Variants in CAPN9 observed in about 807,000 individuals in gnomAD.
CAPN9 encodes the protein calpain 9.
A neutral mutation model predicts 92.8 loss-of-function variants in CAPN9; 81 were observed. That is an observed-to-expected ratio of 0.87 (90% CI 0.73 to 1.05). The LOEUF is 1.05. Ranked by LOEUF, CAPN9 falls within the 50% of genes least tolerant of loss-of-function variation. The probability of loss-of-function intolerance (pLI) is 0.00; values close to 1 mark genes in which losing one functional copy is unlikely to be tolerated. For synonymous variants in CAPN9, 304 were observed against 328.0 expected, an observed-to-expected ratio of 0.93 and a Z score of 0.79; for missense variants, 848 against 866.2, an observed-to-expected ratio of 0.98 and a Z score of 0.26.
In CAPN9 at chr1:230,798,175, T is replaced by C. The variant is rs768731637; in HGVS notation, c.2001T>C (p.Ala667=). 18 of 1,610,482 alleles carry C rather than the reference T, an allele frequency of 1.1e-5. 1 individual carries two copies. In the Middle Eastern group the frequency reaches 1.5e-3, roughly 133 times the overall value. Residue 667 remains alanine, a synonymous_variant, in exon 19 of 20, where the codon GCT becomes GCC. Transcript: ENST00000271971. ...CTCTCCTATCAGGGGTGTTCCAGGC[T>C]CTCAGTACAAAGAACAAGGAGTTCA... The part of the protein sequence containing the change: ...RLENASRVFQ[A]LSTKNKEFIH...
Position 230,774,594 on chromosome 1 carries a change from C to T in CAPN9, c.916C>T (p.Arg306Cys), listed in dbSNP as rs1558099848. ...TTCTGTTGGTCCAGCTGAGCAGAAG[C>T]GTCTGTGTCACACTGCTCTGGATGA... ...WRSVGPAEQK[R>C]LCHTALDDGE... Residue 306 changes from arginine to cysteine, a missense_variant, in exon 8 of 20, where the codon CGT becomes TGT. Physicochemically the swap from Arg to Cys is radical, Grantham distance 180. Transcript: ENST00000271971. The T allele has an allele frequency of 6.2e-6, 10 of 1,613,824 alleles. No homozygotes were observed. The African/African-American group carries it at 6.7e-5, about 11-fold the overall frequency.
chr1:230,765,642 G>C (rs2102860027), intron 4 of CAPN9, among the ~76,000 whole-genome samples: 1 of 152,176 alleles, frequency 6.6e-6, no homozygotes, highest in African/African-American at 2.4e-5. Flanking sequence ...CTGGGCAACA[G>C]AGCAAGACTC....
intron 8 of CAPN9, among the ~76,000 whole-genome samples, chr1:230,777,552 GA>G (rs916768375): frequency 2.0e-5 from 3 of 149,622 alleles, no homozygotes; most frequent in Non-Finnish European, 3.0e-5. Context: ...TACCTGCAAA[GA>G]AAAAAAAAGC....
intron 14 of CAPN9, 123 bp downstream of exon 14, chr1:230,790,312 A>G: frequency 7.2e-7 from 1 of 1,388,692 alleles, no homozygotes; most frequent in Non-Finnish European, 9.4e-7. Context: ...TTGTAGGTAG[A>G]CTTTAAAAAT....
intron 17 of CAPN9, among the ~76,000 whole-genome samples, chr1:230,794,826 A>T (rs1249823702): frequency 1.3e-5 from 2 of 152,204 alleles, no homozygotes; most frequent in Non-Finnish European, 2.9e-5. Context: ...AAGTTCCCCC[A>T]AACAAAGCTT....
rs572618953 is a variant in CAPN9, at chr1:230,751,297, C to T, written c.213+3588C>T. 2.6e-5 allele frequency among the ~76,000 whole-genome samples: 4 copies of T among 152,140 alleles called. No individual in the cohort carries two copies. In the South Asian group the frequency reaches 8.3e-4, roughly 32 times the overall value. Reference sequence around the variant, plus strand: ...GCCCCATGGCCTCCACAGTGCTGGGCACATGACAGGGATCGGCACATAGCT... The same window carrying T: ...GCCCCATGGCCTCCACAGTGCTGGGTACATGACAGGGATCGGCACATAGCT... On this transcript the variant is annotated intron_variant, in intron 1 of 19. Coordinates refer to ENST00000271971, the MANE Select transcript of CAPN9 (RefSeq NM_006615.3).
At chr1:230,769,710 A>G (rs1437760556) in intron 6 of CAPN9, among the ~76,000 whole-genome samples, 2 of 151,892 alleles carry the variant, frequency 1.3e-5, no homozygotes, top group Non-Finnish European at 2.9e-5. Flanking sequence ...CTTGAGCAAC[A>G]CAGGCTTGAA....
At chr1:230,787,636 G>A in intron 13 of CAPN9, 34 bp downstream of exon 13, 1 of 1,581,510 alleles carries the variant, frequency 6.3e-7, no homozygotes. Flanking sequence ...TCCCCACCAG[G>A]CTGAGGGCCT....
At chr1:230,800,238 GAAAGAAAGAA>G (rs1668602076) in intron 19 of CAPN9, among the ~76,000 whole-genome samples, 1 of 49,516 alleles carries the variant, frequency 2.0e-5, no homozygotes, top group African/African-American at 8.9e-5. Flanking sequence ...AAAGAAGAAA[GAAAGAAAGAA>G]AGAAAGAAAG....
At position 230,769,165 on chromosome 1, in the gene CAPN9, C is replaced by A. The variant is rs11122593; in HGVS notation, c.706-15C>A. 14 of 1,610,588 alleles carry A rather than the reference C, an allele frequency of 8.7e-6. No homozygotes were observed. Among genetic ancestry groups the A allele is most frequent in the Non-Finnish European group, 1.2e-5 (14 of 1,177,054 alleles). On this transcript the variant is annotated splice_polypyrimidine_tract_variant and intron_variant, in intron 5 of 19. Transcript: ENST00000271971. ...CTTAGACGGTGGGTGTGACTCTGCT[C>A]TTTCCATGTTTTAGACCAGAAGTGC...
At chr1:230,793,023 G>GGGCAGCA in intron 17 of CAPN9, 95 bp downstream of exon 17, 1 of 936,656 alleles carries the variant, frequency 1.1e-6, no homozygotes, top group Non-Finnish European at 1.7e-6. Flanking sequence ...CTGCTGCCCA[G>GGGCAGCA]GAGGTGGGCC....
At chr1:230,764,536 G>A (rs1040938070) in intron 4 of CAPN9, among the ~76,000 whole-genome samples, 4 of 152,200 alleles carry the variant, frequency 2.6e-5, no homozygotes, top group Admixed American at 6.5e-5. Flanking sequence ...AATTTCAAAC[G>A]TATGAAATAA....
At position 230,767,600 on chromosome 1, in the gene CAPN9, T is replaced by G; in HGVS notation, c.596T>G (p.Phe199Cys). Residue 199 changes from phenylalanine (F) to cysteine (C), a missense_variant, in exon 5 of 20, where the codon TTC (phenylalanine) becomes TGC (cysteine). By Grantham distance (205) the Phe-to-Cys change is radical (BLOSUM62 -2). Coordinates refer to ENST00000271971, the MANE Select transcript of CAPN9 (RefSeq NM_006615.3). ...AGCGCCATCGAGGCCATGGAAGACT[T>G]CACTGGGGGTGTGGCAGAGACCTTC... ...GGSAIEAMED[F>C]TGGVAETFQT... is the part of the protein sequence containing the mutation. 6.2e-7 allele frequency: 1 copy of G among 1,613,824 alleles called. No homozygotes were observed. Among genetic ancestry groups the G allele is most frequent in the Non-Finnish European group, 8.5e-7 (1 of 1,179,872 alleles).
chr1:230,751,664 AAAGAAAGAAAGAAAGAAAGAAGG>A (rs1558080274), intron 1 of CAPN9, among the ~76,000 whole-genome samples: 72 of 54,424 alleles, frequency 1.3e-3, no homozygotes, highest in Non-Finnish European at 1.9e-3. Flanking sequence ...AGAAAGAAAG[AAAGAAAGAAAGAAAGAAAGAAGG>A]GTGGCTTTTC....
rs1040336549 is a variant in CAPN9 at position 230,752,627 on chromosome 1, G to A, written c.214-2710G>A. On this transcript the variant is annotated intron_variant, in intron 1 of 19. Coordinates refer to ENST00000271971, the MANE Select transcript of CAPN9 (RefSeq NM_006615.3). Reference sequence around the variant, plus strand: ...GGGGCAGGGAGGATGGGAAGGAGGCGGGCATCCGGGAACAGCCCTGCCCCA... The same window carrying A: ...GGGGCAGGGAGGATGGGAAGGAGGCAGGCATCCGGGAACAGCCCTGCCCCA... The A allele has an allele frequency of 5.4e-5, 52 of 971,644 alleles. No individual in the cohort carries two copies. The Admixed American group carries it at 5.5e-4, about 10-fold the overall frequency. The allele number at this position is 971,644 out of a possible 1,614,324, so 60.2% of individuals were successfully genotyped here.
chr1:230,771,999 G>T lies in CAPN9; in HGVS notation c.790-15G>T. 1 of 1,610,982 alleles carries T rather than the reference G, an allele frequency of 6.2e-7. No homozygotes were observed. On this transcript the variant is annotated splice_polypyrimidine_tract_variant and intron_variant, in intron 6 of 19. Coordinates refer to ENST00000271971, the MANE Select transcript of CAPN9 (RefSeq NM_006615.3). ...ATTTATCATTTCACACTTCCCTCATGCTTTTCCCTTCTAGGTAAGCTTCCG... is the reference window on the plus strand; with the variant it reads ...ATTTATCATTTCACACTTCCCTCATTCTTTTCCCTTCTAGGTAAGCTTCCG...
chr1:230,749,730 T>C (rs1005771697), intron 1 of CAPN9, among the ~76,000 whole-genome samples: 1 of 152,320 alleles, frequency 6.6e-6, no homozygotes, highest in Non-Finnish European at 1.5e-5. Flanking sequence ...ATGCAACTTA[T>C]GGGGTCCTCA....
At chr1:230,769,034 C>G in intron 5 of CAPN9, 146 bp from the exon 6 acceptor site, 2 of 650,996 alleles carry the variant, frequency 3.1e-6, no homozygotes, top group Non-Finnish European at 2.7e-6. Flanking sequence ...AGGGGAGCCC[C>G]GTGCATAGCC....
chr1:230,755,255 A>G, intron 1 of CAPN9, 82 bp from the exon 2 acceptor site: 1 of 1,108,542 alleles, frequency 9.0e-7, no homozygotes, highest in Non-Finnish European at 1.3e-6. Flanking sequence ...GCCCCAAGAA[A>G]GCAGAGAGAC....
Sources: allele counts gnomAD v4.1 joint callset (sites outside exome capture counted in the v4.1 genomes callset), GRCh38; gene constraint gnomAD v4.1.1; transcripts MANE v1.5; gene names NCBI Gene and HGNC (gene_info 2026-07-23, HGNC 2026-07-21).